Variants in FBN2 observed in about 807,000 individuals in gnomAD.
The protein encoded by FBN2 is fibrillin 2, also known as fibrillin-2.
FBN2 carries 105 observed loss-of-function variants against 355.6 expected under a neutral mutation model. The observed-to-expected ratio is 0.30, with a 90% CI of 0.25 to 0.35. The LOEUF (loss-of-function observed/expected upper bound fraction) is 0.35. FBN2 is among the 10% of genes least tolerant of loss of function. The pLI is 1.00. For missense variants in FBN2, 3,280 were observed against 3,758.7 expected, an observed-to-expected ratio of 0.87 and a Z score of 3.33; for synonymous variants, 1,350 against 1,301.2, an observed-to-expected ratio of 1.04 and a Z score of -0.81.
intron 5 of FBN2, among the ~76,000 whole-genome samples, chr5:128,488,114 A>C (rs552706700): frequency 1.3e-5 from 2 of 152,316 alleles, no homozygotes; most frequent in East Asian, 3.9e-4. Flanking sequence ...AGTCATATTT[A>C]TGACTATTTC....
At position 128,334,280 on chromosome 5, in the gene FBN2, GA is replaced by G. The variant is rs1450177667; in HGVS notation, c.4099+438del. On this transcript the variant is annotated intron_variant, in intron 31 of 64. Coordinates refer to ENST00000262464, the MANE Select transcript of FBN2 (RefSeq NM_001999.4). Reference sequence around the variant, plus strand: ...AAAAGATGGGAGAAAGGAAGAAAGGGAAAGAGTCTCAATGAAACTTGATTAA... The same window carrying G: ...AAAAGATGGGAGAAAGGAAGAAAGGGAAGAGTCTCAATGAAACTTGATTAA... Among the ~76,000 whole-genome samples the G allele has an allele frequency of 1.2e-4, 18 of 152,074 alleles. 1 individual carries two copies. The highest frequency in any genetic ancestry group is 2.6e-4 in the Non-Finnish European group (18 of 68,016).
chr5:128,269,860 G>T (rs540226712), intron 62 of FBN2, among the ~76,000 whole-genome samples: 44 of 151,974 alleles, frequency 2.9e-4, no homozygotes, highest in African/African-American at 1.0e-3. Context: ...ATTTCATATG[G>T]AACCAAAGAA....
intron 59 of FBN2, among the ~76,000 whole-genome samples, 159 bp from the exon 60 acceptor site, chr5:128,274,842 T>G (rs1057098840): frequency 2.0e-5 from 3 of 152,228 alleles, no homozygotes; most frequent in Non-Finnish European, 4.4e-5. Flanking sequence ...GCAAACAGTT[T>G]CTTTTTACAT....
intron 4 of FBN2, among the ~76,000 whole-genome samples, chr5:128,522,119 T>G (rs540059551): frequency 1.3e-5 from 2 of 152,272 alleles, no homozygotes; most frequent in East Asian, 3.9e-4. Context: ...AATAATTTTT[T>G]AAAATGTAAA....
chr5:128,427,665 C>T (rs898124336), intron 7 of FBN2, among the ~76,000 whole-genome samples: 1 of 152,200 alleles, frequency 6.6e-6, no homozygotes, highest in Non-Finnish European at 1.5e-5. Context: ...GTTCAAGATA[C>T]CCAGCCTCTT....
intron 55 of FBN2, among the ~76,000 whole-genome samples, chr5:128,282,301 G>C (rs930058088): frequency 2.0e-5 from 3 of 151,850 alleles, no homozygotes; most frequent in Admixed American, 2.0e-4. Context: ...GAAATTTAAA[G>C]GTATATACAA....
intron 5 of FBN2, among the ~76,000 whole-genome samples, chr5:128,501,837 G>T (rs1755824111): frequency 6.6e-6 from 1 of 151,942 alleles, no homozygotes; most frequent in African/African-American, 2.4e-5. Context: ...AAGATCAAAA[G>T]AAGTAAAGAG....
At chr5:128,400,659 T>A (rs1212826284) in intron 8 of FBN2, among the ~76,000 whole-genome samples, 1 of 152,186 alleles carries the variant, frequency 6.6e-6, no homozygotes, top group African/African-American at 2.4e-5. Context: ...AGAATTGGTA[T>A]CAACTGGTAA....
chr5:128,421,191 G>T (rs1753342757), intron 7 of FBN2, among the ~76,000 whole-genome samples: 1 of 152,182 alleles, frequency 6.6e-6, no homozygotes, highest in Non-Finnish European at 1.5e-5. Context: ...ATCTGTCCTT[G>T]CACTGTAGGC....
At position 128,318,163 on chromosome 5, in the gene FBN2, C is replaced by G; in HGVS notation, c.4703G>C (p.Gly1568Ala). 1 of 1,613,964 alleles carries G rather than the reference C, an allele frequency of 6.2e-7. No individual in the cohort carries two copies. The highest frequency in any genetic ancestry group is 8.5e-7 in the Non-Finnish European group (1 of 1,179,816). ...CPPDFQLNPTGVGCVDNRVGN... is the reference protein window; with the variant it reads ...CPPDFQLNPTAVGCVDNRVGN... ...GCTTTACTTACCAACACAACCCACA[C>G]CAGTTGGGTTCAACTGAAAATCGGG... Residue 1568 changes from glycine (G) to alanine (A), a missense_variant, in exon 36 of 65, where the codon GGT becomes GCT. Transcript: ENST00000262464.
chr5:128,378,859 A>C lies in FBN2; in HGVS notation c.1635T>G (p.Thr545=). The C allele has an allele frequency of 6.2e-7, 1 of 1,613,200 alleles. No individual in the cohort carries two copies. Among genetic ancestry groups the C allele is most frequent in the Non-Finnish European group, 8.5e-7 (1 of 1,179,292 alleles). Residue 545 remains threonine, a synonymous_variant, in exon 12 of 65, where the codon ACT becomes ACG. Coordinates refer to ENST00000262464, the MANE Select transcript of FBN2 (RefSeq NM_001999.4). ...CAGGTGTGTTAACACAATCTCCATT[A>C]GTGCAGGGATTTGATGTGCATTCAT... is the stretch of plus-strand genomic sequence containing the variant. ...DVDECTSNPC[T]NGDCVNTPGS...
At chr5:128,316,331 A>G (rs1750200812) in intron 36 of FBN2, among the ~76,000 whole-genome samples, 1 of 152,232 alleles carries the variant, frequency 6.6e-6, no homozygotes, top group African/African-American at 2.4e-5. Flanking sequence ...CTAGGATGAT[A>G]AAACGTCAAA....
chr5:128,311,833 A>G (rs1340282402), intron 38 of FBN2, 52 bp downstream of exon 38: 4 of 1,375,464 alleles, frequency 2.9e-6, no homozygotes, highest in Non-Finnish European at 4.2e-6. Flanking sequence ...GCTTTTCTCT[A>G]TAATTAACTC....
chr5:128,391,630 A>C (rs1752513339), intron 11 of FBN2, among the ~76,000 whole-genome samples: 1 of 152,196 alleles, frequency 6.6e-6, no homozygotes, highest in Non-Finnish European at 1.5e-5. Flanking sequence ...CTGCCCTGAC[A>C]TATCAGATTT....
intron 16 of FBN2, among the ~76,000 whole-genome samples, chr5:128,368,467 C>CAT (rs1170173654): frequency 7.0e-6 from 1 of 143,234 alleles, no homozygotes; most frequent in Non-Finnish European, 1.5e-5. Flanking sequence ...CATATATATA[C>CAT]ATATATATAC....
intron 7 of FBN2, among the ~76,000 whole-genome samples, chr5:128,416,563 A>G (rs1208471558): frequency 1.3e-5 from 2 of 152,150 alleles, no homozygotes; most frequent in Non-Finnish European, 2.9e-5. Flanking sequence ...TAGGTCTTTA[A>G]TCCATCTTGA....
intron 7 of FBN2, among the ~76,000 whole-genome samples, chr5:128,434,824 T>G (rs1010113615): frequency 6.6e-6 from 1 of 152,090 alleles, no homozygotes; most frequent in African/African-American, 2.4e-5. Context: ...GATACCTTTT[T>G]CCTCTAATGG....
At chr5:128,309,140 G>A in intron 41 of FBN2, 107 bp downstream of exon 41, 2 of 1,227,282 alleles carry the variant, frequency 1.6e-6, no homozygotes, top group Non-Finnish European at 2.4e-6. Context: ...GGAATTTTTG[G>A]AACTGAGCAT....
At chr5:128,431,230 C>T (rs757614879) in intron 7 of FBN2, among the ~76,000 whole-genome samples, 4 of 152,224 alleles carry the variant, frequency 2.6e-5, no homozygotes, top group Admixed American at 6.5e-5. Context: ...CCCTTTGGAA[C>T]TTTCTGGCAA....
Sources: gnomAD v4.1 joint callset for allele counts (sites outside exome capture counted in the v4.1 genomes callset) on GRCh38, gnomAD v4.1.1 for gene constraint, MANE v1.5 for transcripts, NCBI Gene and HGNC (gene_info 2026-07-23, HGNC 2026-07-21) for gene names.